PIEZO2: variants seen among roughly 807,000 people sequenced by gnomAD.
PIEZO2 encodes the protein piezo-type mechanosensitive ion channel component 2.
Under a neutral mutation model 337.3 loss-of-function variants are expected in PIEZO2, and 172 were observed. That is an observed-to-expected ratio of 0.51 (90% confidence interval 0.45 to 0.58). The LOEUF is 0.58. Among genes scored for constraint, PIEZO2 ranks in the 20% least tolerant of loss-of-function variants. PIEZO2 has a pLI of 0.00. For missense variants in PIEZO2, 3,028 were observed against 3,391.3 expected (o/e 0.89, Z 2.66); for synonymous variants, 1,251 against 1,228.5 (o/e 1.02, Z -0.38).
At position 11,013,635 on chromosome 18, in the gene PIEZO2, C is replaced by T. The variant is rs529333508; in HGVS notation, c.161-33975G>A. Among the ~76,000 whole-genome samples the T allele has an allele frequency of 3.9e-5, 6 of 152,236 alleles. No homozygotes were observed. In the South Asian group the frequency reaches 1.0e-3, roughly 26 times the overall value. ...GTTGTGGTAGAGCAGATGGACCAGC[C>T]GCTGCTCCTACCAGCATTCCTGTGC... On this transcript the variant is annotated intron_variant, in intron 2 of 55. Coordinates refer to ENST00000674853, the MANE Select transcript of PIEZO2 (RefSeq NM_001378183.1).
intron 10 of PIEZO2, 140 bp downstream of exon 10, chr18:10,801,250 A>G: frequency 1.6e-6 from 1 of 614,648 alleles, no homozygotes; most frequent in Non-Finnish European, 2.7e-6. Flanking sequence ...GCAATCTACC[A>G]GATATAATTT....
At chr18:10,762,764 G>C in intron 22 of PIEZO2, 139 bp from the exon 23 acceptor site, 5 of 1,319,502 alleles carry the variant, frequency 3.8e-6, no homozygotes, top group Non-Finnish European at 5.1e-6. Flanking sequence ...ACCTCAGTAT[G>C]AGACGAGGCT....
At chr18:10,866,264 T>C (rs1188150974) in intron 5 of PIEZO2, among the ~76,000 whole-genome samples, 2 of 151,744 alleles carry the variant, frequency 1.3e-5, no homozygotes, top group Non-Finnish European at 1.5e-5. Context: ...TCAATGAACA[T>C]ATTGTCAATA....
Position 11,096,918 on chromosome 18 carries a change from A to G in PIEZO2, c.65-30696T>C, listed in dbSNP as rs1025978734. ...GGATGCTTTCATCTGCAGCCCTCCA[A>G]TCCCTATCCTGGAGAAGGAAGCTGG... On this transcript the variant is annotated intron_variant, in intron 1 of 55. Transcript: ENST00000674853. The surrounding 1 kb of genome is among the most constrained non-coding windows in gnomAD (Gnocchi z 4.6). Among the ~76,000 whole-genome samples, 8 of 152,222 alleles carry G rather than the reference A, an allele frequency of 5.3e-5. No homozygotes were observed. The highest frequency in any genetic ancestry group is 2.6e-4 in the Admixed American group (4 of 15,276).
intron 17 of PIEZO2, among the ~76,000 whole-genome samples, chr18:10,782,339 A>AT (rs2039034757): frequency 3.3e-5 from 2 of 60,408 alleles, no homozygotes; most frequent in Non-Finnish European, 5.3e-5. Context: ...ATATATAAAT[A>AT]ATTATAATAT....
At chr18:10,772,124 TG>T (rs2038624990) in intron 20 of PIEZO2, among the ~76,000 whole-genome samples, 2 of 152,280 alleles carry the variant, frequency 1.3e-5, no homozygotes, top group African/African-American at 4.8e-5. Context: ...CTTCTATCTG[TG>T]TAATTGTGAA....
At position 10,677,994 on chromosome 18, in the gene PIEZO2, C is replaced by A. The variant is rs1011401676; in HGVS notation, c.7953-119G>T. The A allele has an allele frequency of 1.0e-6, 1 of 999,680 alleles. No individual in the cohort carries two copies. The highest frequency in any genetic ancestry group is 1.4e-6 in the Non-Finnish European group (1 of 708,228). 61.9% of individuals were successfully genotyped at this position (999,680 alleles called of 1,614,324 possible). The stretch of plus-strand genomic sequence containing the variant: ...CACCACGTTTTCATTGGGTCCACAA[C>A]GGTCAATCCTGACCCTTTCAGTCTA... On this transcript the variant is annotated intron_variant, in intron 52 of 55. Transcript: ENST00000674853. This position sits in a 1 kb window ranked among gnomAD's most constrained non-coding sequence, Gnocchi z 4.1.
chr18:10,816,757 G>T (rs2040376192), intron 7 of PIEZO2, among the ~76,000 whole-genome samples: 1 of 152,082 alleles, frequency 6.6e-6, no homozygotes, highest in Non-Finnish European at 1.5e-5. Flanking sequence ...TATGTCTTAG[G>T]GAGGATTTCA....
chr18:10,922,207 A>T (rs957805899), intron 3 of PIEZO2, among the ~76,000 whole-genome samples: 7 of 152,090 alleles, frequency 4.6e-5, no homozygotes, highest in African/African-American at 1.4e-4. Flanking sequence ...GGCATCACAG[A>T]ATCTACCGAC....
chr18:10,849,094 C>T (rs562695122), intron 7 of PIEZO2, among the ~76,000 whole-genome samples: 7 of 152,236 alleles, frequency 4.6e-5, no homozygotes, highest in Admixed American at 3.3e-4. Flanking sequence ...GCAACCTCTG[C>T]AATCTCTGCC....
intron 2 of PIEZO2, among the ~76,000 whole-genome samples, chr18:11,052,480 A>G (rs1229770133): frequency 6.6e-6 from 1 of 152,192 alleles, no homozygotes; most frequent in Non-Finnish European, 1.5e-5. Flanking sequence ...ATTCATGATA[A>G]GGAGTCACCT....
chr18:10,974,219 T>C (rs1443645537), intron 3 of PIEZO2, among the ~76,000 whole-genome samples: 2 of 152,190 alleles, frequency 1.3e-5, no homozygotes, highest in East Asian at 1.9e-4. Flanking sequence ...GGGAGCCTTG[T>C]GTGTTTCAAG....
chr18:10,943,366 C>T lies in PIEZO2; in HGVS notation c.287-32138G>A, dbSNP rs539646283. ...TGCAAAGCCCCAGGGGTGGAGTTAC[C>T]CAAGGCCGTGGGAGACCACCTCTTG... On this transcript the variant is annotated intron_variant, in intron 3 of 55. Transcript: ENST00000674853. This position sits in a 1 kb window ranked among gnomAD's most constrained non-coding sequence, Gnocchi z 4.5. 2.6e-5 allele frequency among the ~76,000 whole-genome samples: 4 copies of T among 152,162 alleles called. No individual in the cohort carries two copies. Among genetic ancestry groups the T allele is most frequent in the Non-Finnish European group, 5.9e-5 (4 of 68,022 alleles).
At chr18:10,687,344 G>A (rs1478839820) in intron 49 of PIEZO2, among the ~76,000 whole-genome samples, 1 of 151,928 alleles carries the variant, frequency 6.6e-6, no homozygotes, top group Non-Finnish European at 1.5e-5. Flanking sequence ...ATGTGTCCAT[G>A]TGTTCTCATC....
At chr18:10,932,934 A>C (rs991024255) in intron 3 of PIEZO2, among the ~76,000 whole-genome samples, 1 of 139,162 alleles carries the variant, frequency 7.2e-6, no homozygotes, top group African/African-American at 2.8e-5. Context: ...TAAAAAAGGT[A>C]AAAAAAAAAA....
Position 10,672,739 on chromosome 18 carries a change from A to G in PIEZO2, c.8296T>C (p.Phe2766Leu). Reference protein sequence around the residue: ...PNSQALELVVFNDKVSPPSLG... With the variant: ...PNSQALELVVLNDKVSPPSLG... ...CTTGGGGGACTGACTTTGTCATTGA[A>G]GACCACCAGTTCCAGGGCCTGAGAG... Residue 2766 changes from phenylalanine to leucine, a missense_variant, in exon 55 of 56, where the codon TTC becomes CTC. Around this residue, in one of 5 missense-constraint regions of PIEZO2, gnomAD observed 332 missense variants for 363.8 expected, o/e 0.91. Transcript: ENST00000674853. This position sits in a 1 kb window ranked among gnomAD's most constrained non-coding sequence, Gnocchi z 4.7. The G allele has an allele frequency of 6.2e-7, 1 of 1,614,134 alleles. No individual in the cohort carries two copies. The highest frequency in any genetic ancestry group is 1.7e-5 in the Admixed American group (1 of 60,014).
At chr18:11,007,935 T>C (rs1398319917) in intron 2 of PIEZO2, among the ~76,000 whole-genome samples, 2 of 152,112 alleles carry the variant, frequency 1.3e-5, no homozygotes, top group Admixed American at 1.3e-4. Context: ...AGCACAGAAA[T>C]GACAAATATG....
At position 10,797,297 on chromosome 18, in the gene PIEZO2, T is replaced by C. The variant is rs1412399604; in HGVS notation, c.1527+77A>G. The C allele has an allele frequency of 6.4e-6, 8 of 1,253,392 alleles. 1 individual carries two copies. The highest frequency in any genetic ancestry group is 8.8e-6 in the Non-Finnish European group (8 of 913,076). The allele number at this position is 1,253,392 out of a possible 1,614,324, so 77.6% of individuals were successfully genotyped here. On this transcript the variant is annotated intron_variant, in intron 12 of 55. Transcript: ENST00000674853. ...CCATTATATATGTACCATCATATTA[T>C]ACATACCGTCATGGCACACATACCA...
At chr18:10,885,507 T>C (rs1183373711) in intron 4 of PIEZO2, among the ~76,000 whole-genome samples, 1 of 152,074 alleles carries the variant, frequency 6.6e-6, no homozygotes, top group Admixed American at 6.6e-5. Flanking sequence ...GTTGGTGAAG[T>C]ATGTGGTGGG....
Sources: gnomAD v4.1 joint callset for allele counts (sites outside exome capture counted in the v4.1 genomes callset) on GRCh38, gnomAD v4.1.1 for gene constraint, gnomAD v4.1.1 regional missense constraint, Gnocchi (gnomAD v3.1) non-coding constraint, MANE v1.5 for transcripts, NCBI Gene and HGNC (gene_info 2026-07-23, HGNC 2026-07-21) for gene names.